The following RC3H1 variants were observed in gnomAD, a reference collection of about 807,000 sequenced individuals.
RC3H1 encodes roquin-1.
RC3H1 carries 50 observed loss-of-function variants against 138.2 expected under a neutral mutation model. That is an observed-to-expected ratio of 0.36 (90% CI 0.29 to 0.46). The LOEUF (loss-of-function observed/expected upper bound fraction) is 0.46, where lower values mean the gene tolerates loss of function less well. Ranked by LOEUF, RC3H1 falls within the 20% of genes least tolerant of loss-of-function variation. The pLI is 1.00. For synonymous variants in RC3H1, 462 were observed against 489.1 expected (o/e 0.94, Z 0.73); for missense variants, 1,031 against 1,388.1 (o/e 0.74, Z 4.09).
At chr1:174,021,971 C>A in intron 1 of RC3H1, 125 bp downstream of exon 1, 1 of 378,074 alleles carries the variant, frequency 2.6e-6, no homozygotes. Flanking sequence ...CGGGCTGCCG[C>A]TGCCGCGGAG....
At chr1:174,002,960 A>G (rs1557951751) in intron 1 of RC3H1, among the ~76,000 whole-genome samples, 1 of 152,114 alleles carries the variant, frequency 6.6e-6, no homozygotes, top group Non-Finnish European at 1.5e-5. Flanking sequence ...CTCTCTCTCA[A>G]GTTCAGACTT....
At position 173,984,619 on chromosome 1, in the gene RC3H1, C is replaced by T. The variant is rs1203045130; in HGVS notation, c.232G>A (p.Val78Ile). The T allele has an allele frequency of 6.2e-7, 1 of 1,611,066 alleles. No individual in the cohort carries two copies. The highest frequency in any genetic ancestry group is 8.5e-7 in the Non-Finnish European group (1 of 1,179,218). The part of the protein sequence containing the change: ...SALLQLVGAQ[V>I]PEQQPITLCS... ...AAAGTAATAGGCTGCTGCTCAGGGACCTGGAGGCCAAAAGAAAAGATCTGT... is the reference window on the plus strand; with the variant it reads ...AAAGTAATAGGCTGCTGCTCAGGGATCTGGAGGCCAAAAGAAAAGATCTGT... The change falls in exon 3 of 20, where the codon GTC (valine) becomes ATC (isoleucine). Residue 78 changes from valine (V) to isoleucine (I), a missense_variant and splice_region_variant. Transcript: ENST00000367696.
At chr1:173,981,534 A>T (rs1290700563) in intron 5 of RC3H1, among the ~76,000 whole-genome samples, 2 of 152,218 alleles carry the variant, frequency 1.3e-5, no homozygotes, top group Non-Finnish European at 2.9e-5. Flanking sequence ...TATTTTTGAA[A>T]AGAAAAAAAT....
intron 1 of RC3H1, among the ~76,000 whole-genome samples, chr1:174,001,662 G>A (rs570454971): frequency 1.3e-5 from 2 of 152,152 alleles, no homozygotes; most frequent in South Asian, 2.1e-4. Flanking sequence ...CAAACTCCTG[G>A]TCTCAAGTGA....
At chr1:173,966,679 C>T (rs2102950535) in intron 9 of RC3H1, among the ~76,000 whole-genome samples, 1 of 151,590 alleles carries the variant, frequency 6.6e-6, no homozygotes, top group East Asian at 1.9e-4. Flanking sequence ...TGTGCCACTG[C>T]ACTCCAGCCT....
At chr1:173,989,832 T>C (rs1450490025) in intron 2 of RC3H1, among the ~76,000 whole-genome samples, 1 of 146,096 alleles carries the variant, frequency 6.8e-6, no homozygotes, top group Non-Finnish European at 1.5e-5. Flanking sequence ...GTTCACGCCA[T>C]TCTCCTGCCT....
intron 1 of RC3H1, among the ~76,000 whole-genome samples, chr1:173,994,111 G>A (rs61826778): frequency 0.026 from 4,001 of 151,172 alleles, 65 homozygotes; most frequent in Non-Finnish European, 0.043. Context: ...ACTTTTGACA[G>A]CCAGGCGCGG....
chr1:173,961,617 T>G, intron 12 of RC3H1, 108 bp downstream of exon 12: 1 of 1,068,462 alleles, frequency 9.4e-7, no homozygotes. Flanking sequence ...AGAAGCTCTC[T>G]TATAAAAAAG....
chr1:173,942,428 C>CAGAAAAAAA (rs1658918920), intron 18 of RC3H1, among the ~76,000 whole-genome samples: 1 of 38,086 alleles, frequency 2.6e-5, no homozygotes, highest in African/African-American at 1.4e-4. Context: ...GACTCAGTCT[C>CAGAAAAAAA]AAAAAAAAAA....
At chr1:173,954,571 GT>G (rs1319919935) in intron 13 of RC3H1, among the ~76,000 whole-genome samples, 1 of 152,100 alleles carries the variant, frequency 6.6e-6, no homozygotes, top group Non-Finnish European at 1.5e-5. Flanking sequence ...AGAGAGGATT[GT>G]TTTTCCTGAT....
chr1:173,966,309 C>T (rs1031068041), intron 9 of RC3H1, among the ~76,000 whole-genome samples: 2 of 152,122 alleles, frequency 1.3e-5, no homozygotes, highest in African/African-American at 2.4e-5. Flanking sequence ...ACAAGCACAT[C>T]GATTCTGAAA....
chr1:173,989,324 C>T (rs2103031068), intron 2 of RC3H1, among the ~76,000 whole-genome samples: 1 of 151,534 alleles, frequency 6.6e-6, no homozygotes, highest in South Asian at 2.1e-4. Flanking sequence ...GCCTCACAGA[C>T]AGGTGGGACT....
At position 173,938,863 on chromosome 1, in the gene RC3H1, G is replaced by T; in HGVS notation, c.3260C>A (p.Pro1087Gln). The T allele has an allele frequency of 6.2e-7, 1 of 1,601,662 alleles. No homozygotes were observed. The highest frequency in any genetic ancestry group is 8.5e-7 in the Non-Finnish European group (1 of 1,174,764). The change falls in exon 20 of 20, where the codon CCA becomes CAA. Residue 1087 changes from proline to glutamine, a missense_variant. This residue lies in a region of RC3H1 where 716 missense variants were observed against 837.9 expected (regional missense o/e 0.85). Coordinates refer to ENST00000367696, the MANE Select transcript of RC3H1 (RefSeq NM_172071.4). ...CTCTTGTGTCAAGGCTGATCCATTT[G>T]GTACATCACTGCTGACATTTTAAAA... ...EDLTLTFSDVPNGSALTQENI... is the reference protein window; with the variant it reads ...EDLTLTFSDVQNGSALTQENI...
In RC3H1 at chr1:173,938,579, G is replaced by A. The variant is rs1321440134; in HGVS notation, c.*142C>T. 2 of 548,892 alleles carry A rather than the reference G, an allele frequency of 3.6e-6. No homozygotes were observed. Among genetic ancestry groups the A allele is most frequent in the Non-Finnish European group, 6.3e-6 (2 of 315,654 alleles). The allele number at this position is 548,892 out of a possible 1,614,324, so 34.0% of individuals were successfully genotyped here. ...TGCAGGGTTTGTTTTTAGTAGTGGTGTTTGTGCACATTGCCTCTGGTGAAT... is the reference window on the plus strand; with the variant it reads ...TGCAGGGTTTGTTTTTAGTAGTGGTATTTGTGCACATTGCCTCTGGTGAAT... On this transcript the variant is annotated 3_prime_UTR_variant, in exon 20 of 20. Coordinates refer to ENST00000367696, the MANE Select transcript of RC3H1 (RefSeq NM_172071.4).
chr1:173,977,145 C>T (rs943324706), intron 7 of RC3H1, among the ~76,000 whole-genome samples: 5 of 152,064 alleles, frequency 3.3e-5, no homozygotes, highest in Admixed American at 2.0e-4. Flanking sequence ...AGGATGGTCT[C>T]GATCTCCTGA....
intron 1 of RC3H1, among the ~76,000 whole-genome samples, chr1:173,998,671 A>T (rs527835367): frequency 1.3e-5 from 2 of 152,188 alleles, no homozygotes; most frequent in Non-Finnish European, 1.5e-5. Flanking sequence ...ATTTATCCCA[A>T]TGTCTAAATT....
chr1:174,001,987 T>C (rs1571239107), intron 1 of RC3H1, among the ~76,000 whole-genome samples: 1 of 152,158 alleles, frequency 6.6e-6, no homozygotes, highest in African/African-American at 2.4e-5. Flanking sequence ...CTCAAAAAAT[T>C]TTACAAAATT....
intron 1 of RC3H1, among the ~76,000 whole-genome samples, chr1:174,010,562 C>T (rs763414201): frequency 5.3e-5 from 8 of 152,082 alleles, no homozygotes; most frequent in Non-Finnish European, 1.0e-4. Context: ...TACAGGCATG[C>T]GCCATCATGC....
intron 13 of RC3H1, among the ~76,000 whole-genome samples, chr1:173,953,068 C>G (rs925173882): frequency 6.6e-6 from 1 of 152,184 alleles, no homozygotes; most frequent in Non-Finnish European, 1.5e-5. Context: ...TCTGAGTCAT[C>G]ATTATTGGCC....
Sources: allele counts gnomAD v4.1 joint callset (sites outside exome capture counted in the v4.1 genomes callset), GRCh38; gene constraint gnomAD v4.1.1; regional missense constraint gnomAD v4.1.1; transcripts MANE v1.5; gene names NCBI Gene and HGNC (gene_info 2026-07-23, HGNC 2026-07-21).